The following TRPM3 variants were observed in gnomAD, a reference collection of about 807,000 sequenced individuals.
TRPM3 encodes transient receptor potential cation channel subfamily M member 3.
TRPM3 carries 77 observed loss-of-function variants against 181.2 expected under a neutral mutation model. That is an observed-to-expected ratio of 0.42 (90% CI 0.35 to 0.51). The LOEUF is 0.51. Among genes scored for constraint, TRPM3 ranks in the 20% least tolerant of loss-of-function variants. The pLI, the probability that TRPM3 is intolerant of heterozygous loss-of-function variation, is 0.01. For missense variants in TRPM3, 1,759 were observed against 2,196.7 expected (o/e 0.80, Z 3.98); for synonymous variants, 745 against 796.4 (o/e 0.94, Z 1.09).
chr9:70,947,538 G>C (rs2096948274), intron 1 of TRPM3, among the ~76,000 whole-genome samples: 1 of 152,004 alleles, frequency 6.6e-6, no homozygotes, highest in Non-Finnish European at 1.5e-5. Flanking sequence ...TGGAGAGAGG[G>C]GTCTTCCATA....
intron 1 of TRPM3, among the ~76,000 whole-genome samples, chr9:71,089,206 T>C (rs910997843): frequency 6.7e-6 from 1 of 148,432 alleles, no homozygotes; most frequent in South Asian, 2.1e-4. Flanking sequence ...ATATTTTATA[T>C]ATTCATATAT....
At chr9:71,330,824 A>G (rs2090057379) in intron 1 of TRPM3, among the ~76,000 whole-genome samples, 1 of 151,748 alleles carries the variant, frequency 6.6e-6, no homozygotes, top group African/African-American at 2.4e-5. Context: ...AACCTACTAA[A>G]ACTCCTAGAG....
intron 6 of TRPM3, among the ~76,000 whole-genome samples, chr9:70,824,150 G>T (rs558103096): frequency 2.0e-5 from 3 of 152,138 alleles, no homozygotes; most frequent in African/African-American, 7.2e-5. Context: ...AAGAAAACAG[G>T]CTCGTTGATA....
chr9:71,238,722 C>T (rs867247101), intron 1 of TRPM3, among the ~76,000 whole-genome samples: 5 of 152,068 alleles, frequency 3.3e-5, no homozygotes, highest in Admixed American at 2.0e-4. Context: ...TGAAGGTTGT[C>T]AAGAAAACTT....
rs769200720 is a variant in TRPM3, at chr9:70,923,803, A to ACT, written c.178-59294_178-59293dup. ...ACAAATAACACACACACACACACAC[A>ACT]CTCTCTCTCTCTCTCTCTCTCTCTC... is the stretch of plus-strand genomic sequence containing the variant. On this transcript the variant is annotated intron_variant, in intron 1 of 25. Transcript: ENST00000677713. Among the ~76,000 whole-genome samples the ACT allele has an allele frequency of 2.8e-3, 405 of 143,452 alleles. 4 individuals carry two copies. Among genetic ancestry groups the ACT allele is most frequent in the African/African-American group, 8.7e-3 (337 of 38,786 alleles). 94.1% of individuals were successfully genotyped at this position (143,452 alleles called of 152,430 possible).
chr9:70,987,415 G>T (rs2097432522), intron 1 of TRPM3, among the ~76,000 whole-genome samples: 1 of 152,008 alleles, frequency 6.6e-6, no homozygotes, highest in African/African-American at 2.4e-5. Context: ...ACTTCTATGT[G>T]GTCTATTTGA....
chr9:70,765,134 T>A (rs1325593764), intron 7 of TRPM3, among the ~76,000 whole-genome samples: 1 of 152,190 alleles, frequency 6.6e-6, no homozygotes, highest in African/African-American at 2.4e-5. Flanking sequence ...TACTGCTTGA[T>A]TACCTCACTG....
intron 1 of TRPM3, among the ~76,000 whole-genome samples, chr9:71,400,666 G>A (rs563387254): frequency 9.2e-5 from 14 of 151,980 alleles, no homozygotes; most frequent in Non-Finnish European, 1.9e-4. Flanking sequence ...TTAAAACCAA[G>A]GACCTGCCAT....
intron 12 of TRPM3, among the ~76,000 whole-genome samples, chr9:70,626,908 A>G (rs894236579): frequency 2.0e-5 from 3 of 152,058 alleles, no homozygotes; most frequent in Non-Finnish European, 4.4e-5. Flanking sequence ...ATAGCTTTAC[A>G]TGTTTCTTGT....
At chr9:71,318,583 C>A (rs2088875580) in intron 1 of TRPM3, among the ~76,000 whole-genome samples, 1 of 152,114 alleles carries the variant, frequency 6.6e-6, no homozygotes, top group African/African-American at 2.4e-5. Context: ...CGGGAACTAA[C>A]AATCTGTAAC....
intron 1 of TRPM3, among the ~76,000 whole-genome samples, chr9:71,356,083 G>A (rs753309772): frequency 6.6e-6 from 1 of 152,136 alleles, no homozygotes; most frequent in African/African-American, 2.4e-5. Flanking sequence ...TAACCAGCAG[G>A]TGGGTCTCTC....
chr9:71,380,601 CT>C (rs1339516336), intron 1 of TRPM3, among the ~76,000 whole-genome samples: 3 of 151,996 alleles, frequency 2.0e-5, no homozygotes, highest in African/African-American at 7.2e-5. Flanking sequence ...GAGAAAGAAA[CT>C]TCATCAGCAG....
At chr9:71,445,538 A>G (rs1476626949) in intron 1 of TRPM3, among the ~76,000 whole-genome samples, 1 of 152,240 alleles carries the variant, frequency 6.6e-6, no homozygotes, top group Admixed American at 6.5e-5. Flanking sequence ...TTTGTAAACA[A>G]GCAACCAAAA....
At chr9:71,171,589 T>C (rs537304648) in intron 1 of TRPM3, among the ~76,000 whole-genome samples, 1 of 152,086 alleles carries the variant, frequency 6.6e-6, no homozygotes, top group African/African-American at 2.4e-5. Context: ...GGTCAGAAAT[T>C]AAGTCACAAT....
chr9:71,286,580 T>G (rs1249526210), intron 1 of TRPM3, among the ~76,000 whole-genome samples: 1 of 152,132 alleles, frequency 6.6e-6, no homozygotes, highest in Non-Finnish European at 1.5e-5. Context: ...ATAACAAGTT[T>G]ACTACTTTTA....
At chr9:70,895,950 C>T (rs1311240774) in intron 1 of TRPM3, among the ~76,000 whole-genome samples, 1 of 152,076 alleles carries the variant, frequency 6.6e-6, no homozygotes, top group Admixed American at 6.6e-5. Context: ...AATCTCACCA[C>T]ATAGGGAAAA....
chr9:71,095,556 C>T (rs930005147), intron 1 of TRPM3, among the ~76,000 whole-genome samples: 7 of 151,872 alleles, frequency 4.6e-5, no homozygotes, highest in South Asian at 2.1e-4. Flanking sequence ...GTCAGGAGTT[C>T]GAGACCAGCC....
At chr9:71,245,076 C>G (rs2081954899) in intron 1 of TRPM3, among the ~76,000 whole-genome samples, 1 of 152,046 alleles carries the variant, frequency 6.6e-6, no homozygotes, top group Non-Finnish European at 1.5e-5. Context: ...ATTGGCAAGT[C>G]CAAGATGGCT....
At chr9:70,662,940 A>T (rs1477017844) in intron 9 of TRPM3, among the ~76,000 whole-genome samples, 2 of 152,196 alleles carry the variant, frequency 1.3e-5, no homozygotes, top group Non-Finnish European at 2.9e-5. Flanking sequence ...AGCTACATGC[A>T]TATATTTATT....
Sources: allele counts gnomAD v4.1 joint callset (sites outside exome capture counted in the v4.1 genomes callset), GRCh38; gene constraint gnomAD v4.1.1; transcripts MANE v1.5; gene names NCBI Gene and HGNC (gene_info 2026-07-23, HGNC 2026-07-21).